ACTN3: variants seen among roughly 807,000 people sequenced by gnomAD.
ACTN3 encodes the protein alpha-actinin-3.
A neutral mutation model predicts 119.6 loss-of-function variants in ACTN3; 91 were observed. The ratio of observed to expected loss-of-function variants is 0.76; its 90% CI spans 0.64 to 0.91. The LOEUF is 0.91. Among genes scored for constraint, ACTN3 ranks in the 40% least tolerant of loss-of-function variants. The pLI, the probability that ACTN3 is intolerant of heterozygous loss-of-function variation, is 0.00. For missense variants in ACTN3, 1,221 were observed against 1,215.1 expected (o/e 1.00, Z -0.07); for synonymous variants, 456 against 478.8 (o/e 0.95, Z 0.62).
chr11:66,553,566 TAAAAAAAAAGA>T (rs903817640), intron 3 of ACTN3, among the ~76,000 whole-genome samples: 3 of 139,444 alleles, frequency 2.2e-5, no homozygotes, highest in African/African-American at 8.1e-5. Context: ...AAAATTATAA[TAAAAAAAAAGA>T]AAAGAAAAAG....
rs759320756 is a variant in ACTN3 at position 66,562,267 on chromosome 11, GGAT to G, written c.2338_2340del (p.Met780del). ...ACTCACCCCCTACAGAAGCAGAATG[GGAT>G]GATGGAGCCTGATGACTTCCGAGCT... On this transcript the variant is annotated inframe_deletion, in exon 19 of 21. Transcript: ENST00000513398. The G allele has an allele frequency of 6.2e-7, 1 of 1,613,774 alleles. No individual in the cohort carries two copies. Among genetic ancestry groups the G allele is most frequent in the Non-Finnish European group, 8.5e-7 (1 of 1,179,874 alleles).
At chr11:66,561,753 A>G in intron 17 of ACTN3, 116 bp downstream of exon 17, 1 of 1,291,052 alleles carries the variant, frequency 7.7e-7, no homozygotes, top group Non-Finnish European at 1.1e-6. Context: ...CAGCTTGGCC[A>G]GGTCCCTTAA....
At position 66,559,238 on chromosome 11, in the gene ACTN3, A is replaced by G; in HGVS notation, c.1279A>G (p.Lys427Glu). The part of the protein sequence containing the change: ...ASLHEAWTRG[K>E]EEMLSQRDYD... ...GGAGCCGGCATCTCTTTGAGCAGGA[A>G]AGGAGGAGATGCTGAGCCAGCGCGA... The change falls in exon 12 of 21, where the codon AAG becomes GAG. Residue 427 changes from lysine to glutamate, a missense_variant and splice_region_variant. Coordinates refer to ENST00000513398, the MANE Select transcript of ACTN3 (RefSeq NM_001104.4). The G allele has an allele frequency of 6.5e-7, 1 of 1,537,798 alleles. No individual in the cohort carries two copies. Among genetic ancestry groups the G allele is most frequent in the Non-Finnish European group, 8.8e-7 (1 of 1,142,222 alleles).
At chr11:66,546,544 T>C (rs527798603), upstream of ACTN3, 2,807 of 1,535,326 alleles carry the variant, frequency 1.8e-3, 8 homozygotes, top group Non-Finnish European at 2.2e-3. Context: ...ACCAGCGAGG[T>C]GCTGGAAGAG....
Position 66,558,041 on chromosome 11 carries a change from CT to C in ACTN3, c.1144del (p.Trp382GlyfsTer50). 1.9e-6 allele frequency: 3 copies of C among 1,613,886 alleles called. No homozygotes were observed. Among genetic ancestry groups the C allele is most frequent in the Non-Finnish European group, 2.5e-6 (3 of 1,179,870 alleles). ...CTGCTCCACAGGACATCGCCAACGC[CT>C]GGCGGGGGCTGGAGCAGGTGGAAAA... ...GKLVSDIANA[W>X]RGLEQVEKGY... is the part of the protein sequence containing the mutation. On this transcript the variant is annotated frameshift_variant, in exon 11 of 21. Transcript: ENST00000513398. LOFTEE classifies it high-confidence loss of function.
At chr11:66,553,085 C>T (rs183881494) in intron 3 of ACTN3, among the ~76,000 whole-genome samples, 15 of 151,122 alleles carry the variant, frequency 9.9e-5, no homozygotes, top group Admixed American at 4.0e-4. Flanking sequence ...TGAAATCCAT[C>T]TCTACTAAAA....
Position 66,558,074 on chromosome 11 carries a change from T to C in ACTN3, c.1176T>C (p.Tyr392=), listed in dbSNP as rs1233616505. 6.2e-6 allele frequency: 10 copies of C among 1,613,918 alleles called. No homozygotes were observed. The highest frequency in any genetic ancestry group is 7.6e-6 in the Non-Finnish European group (9 of 1,179,880). ...GGCTGGAGCAGGTGGAAAAGGGCTATGAGGACTGGCTGCTCTCGGAGATCC... is the reference window on the plus strand; with the variant it reads ...GGCTGGAGCAGGTGGAAAAGGGCTACGAGGACTGGCTGCTCTCGGAGATCC... ...WRGLEQVEKG[Y]EDWLLSEIRR... is the part of the protein sequence containing the mutation. Residue 392 remains tyrosine (Y), a synonymous_variant, in exon 11 of 21, where the codon TAT becomes TAC. Coordinates refer to ENST00000513398, the MANE Select transcript of ACTN3 (RefSeq NM_001104.4).
chr11:66,555,412 T>C, intron 7 of ACTN3, 45 bp downstream of exon 7: 6 of 1,596,926 alleles, frequency 3.8e-6, no homozygotes, highest in Non-Finnish European at 5.1e-6. Flanking sequence ...TTCTCCACAC[T>C]GGGCCTGGTA....
intron 13 of ACTN3, 33 bp from the exon 14 acceptor site, chr11:66,560,138 A>G (rs761254706): frequency 1.3e-6 from 2 of 1,567,532 alleles, no homozygotes; most frequent in East Asian, 2.4e-5. Flanking sequence ...TCTGCAGGGC[A>G]GGCTTCTGAC....
At chr11:66,562,727 G>A (rs1857810540) in intron 19 of ACTN3, 69 bp from the exon 20 acceptor site, 4 of 1,508,042 alleles carry the variant, frequency 2.7e-6, no homozygotes, top group Non-Finnish European at 3.6e-6. Flanking sequence ...ACAGTCCCCA[G>A]GAGGGGACAC....
At chr11:66,559,806 G>A (rs913228955) in intron 12 of ACTN3, among the ~76,000 whole-genome samples, 162 bp from the exon 13 acceptor site, 2 of 151,628 alleles carry the variant, frequency 1.3e-5, no homozygotes, top group African/African-American at 4.9e-5. Flanking sequence ...AGAGGGATGC[G>A]CTGGTACCGC....
rs1299651303 is a variant in ACTN3 at position 66,557,204 on chromosome 11, G to A, written c.876G>A (p.Glu292=). Residue 292 remains glutamate (E), a synonymous_variant, in exon 9 of 21, where the codon GAG becomes GAA. Transcript: ENST00000513398. ...AGGAAAACGAGAAGCTGATGGAGGA[G>A]TATGAGAAGCTTGCCAGTGAGGTGA... ...VNQENEKLME[E]YEKLASELLE... 3.2e-6 allele frequency: 5 copies of A among 1,553,330 alleles called. No individual in the cohort carries two copies. The highest frequency in any genetic ancestry group is 4.9e-5 in the East Asian group (2 of 40,986).
At chr11:66,561,198 T>C in intron 15 of ACTN3, 29 bp from the exon 16 acceptor site, 1 of 1,507,730 alleles carries the variant, frequency 6.6e-7, no homozygotes, top group Non-Finnish European at 8.9e-7. Flanking sequence ...CCCCCAGAGC[T>C]GGCTCTGGCA....
chr11:66,554,554 G>C lies in ACTN3; in HGVS notation c.488G>C (p.Gly163Ala), dbSNP rs543883614. The C allele has an allele frequency of 6.8e-6, 11 of 1,611,052 alleles. No individual in the cohort carries two copies. Among genetic ancestry groups the C allele is most frequent in the South Asian group, 2.2e-5 (2 of 90,520 alleles). The change falls in exon 5 of 21, where the codon GGC (glycine) becomes GCC (alanine). Residue 163 changes from glycine (G) to alanine (A), a missense_variant. Coordinates refer to ENST00000513398, the MANE Select transcript of ACTN3 (RefSeq NM_001104.4). ...ISVEETSAKE[G>A]LLLWCQRKTA... ...GACCCAGAAACCTCAGCCAAGGAAG[G>C]CTTGCTTCTGTGGTGCCAGAGGAAG...
Position 66,554,095 on chromosome 11 carries a change from A to G in ACTN3, c.433A>G (p.Ile145Val). 6.2e-7 allele frequency: 1 copy of G among 1,613,898 alleles called. No individual in the cohort carries two copies. Among genetic ancestry groups the G allele is most frequent in the Non-Finnish European group, 8.5e-7 (1 of 1,179,948 alleles). The part of the protein sequence containing the change: ...KMTLGMIWTI[I>V]LRFAIQDISV... ...GACCCTGGGCATGATCTGGACCATCATCCTTCGCTTCGCCATCCAGGACAT... is the reference window on the plus strand; with the variant it reads ...GACCCTGGGCATGATCTGGACCATCGTCCTTCGCTTCGCCATCCAGGACAT... Residue 145 changes from isoleucine (I) to valine (V), a missense_variant, in exon 4 of 21, where the codon ATC becomes GTC. By Grantham distance (29) the Ile-to-Val change is conservative (BLOSUM62 3). Coordinates refer to ENST00000513398, the MANE Select transcript of ACTN3 (RefSeq NM_001104.4).
At chr11:66,552,851 G>GTCTCTCTCTCTCTCTCTCTCTCTC (rs564902238) in intron 3 of ACTN3, among the ~76,000 whole-genome samples, 1 of 131,280 alleles carries the variant, frequency 7.6e-6, no homozygotes, top group Non-Finnish European at 1.6e-5. Flanking sequence ...GAGAGACTCT[G>GTCTCTCTCTCTCTCTCTCTCTCTC]TCTCTCTCTC....
At chr11:66,547,753 A>G (rs140043269) in intron 1 of ACTN3, among the ~76,000 whole-genome samples, 421 of 151,992 alleles carry the variant, frequency 2.8e-3, no homozygotes, top group African/African-American at 9.7e-3. Context: ...AGGAGGGGAG[A>G]CCTGGGTCCC....
intron 1 of ACTN3, among the ~76,000 whole-genome samples, chr11:66,548,327 A>G (rs746701147): frequency 6.6e-6 from 1 of 151,976 alleles, no homozygotes; most frequent in Non-Finnish European, 1.5e-5. Flanking sequence ...CCTTGGCTCC[A>G]GCTGCCACCT....
chr11:66,559,235 G>A lies in ACTN3; in HGVS notation c.1277-1G>A. 6.5e-7 allele frequency: 1 copy of A among 1,535,274 alleles called. No individual in the cohort carries two copies. The highest frequency in any genetic ancestry group is 8.8e-7 in the Non-Finnish European group (1 of 1,140,640). On this transcript the variant is annotated splice_acceptor_variant, in intron 11 of 20. Transcript: ENST00000513398. LOFTEE classifies it high-confidence loss of function. ...ACCGGAGCCGGCATCTCTTTGAGCAGGAAAGGAGGAGATGCTGAGCCAGCG... is the reference window on the plus strand; with the variant it reads ...ACCGGAGCCGGCATCTCTTTGAGCAAGAAAGGAGGAGATGCTGAGCCAGCG...
Sources: allele counts gnomAD v4.1 joint callset (sites outside exome capture counted in the v4.1 genomes callset), GRCh38; gene constraint gnomAD v4.1.1; transcripts MANE v1.5; gene names NCBI Gene and HGNC (gene_info 2026-07-23, HGNC 2026-07-21).